Variants in INAVA observed in about 807,000 individuals in gnomAD.
INAVA encodes the protein innate immunity activator protein.
A neutral mutation model predicts 55.3 loss-of-function variants in INAVA; 32 were observed. That is an observed-to-expected ratio of 0.58 (90% CI 0.44 to 0.78). INAVA has a LOEUF of 0.78. INAVA is among the 30% of genes least tolerant of loss of function. INAVA has a pLI of 0.00. For missense variants in INAVA, 756 were observed against 786.4 expected (o/e 0.96, Z 0.46); for synonymous variants, 294 against 329.4 (o/e 0.89, Z 1.16).
In INAVA at chr1:200,898,305, A is replaced by C. The variant is rs746795321; in HGVS notation, c.-94-2A>C. The C allele has an allele frequency of 4.4e-6, 7 of 1,607,940 alleles. No homozygotes were observed. The highest frequency in any genetic ancestry group is 5.9e-6 in the Non-Finnish European group (7 of 1,178,406). ...TGTTATTGTTCTCTTTTCTCTTTAA[A>C]GCTGGGGAAGCTCCAGGCTACCTAC... On this transcript the variant is annotated splice_acceptor_variant, in intron 1 of 9. Transcript: ENST00000413687. LOFTEE classifies it low-confidence loss of function (5UTR_SPLICE).
upstream of INAVA, among the ~76,000 whole-genome samples, chr1:200,894,440 T>G (rs528350822): frequency 6.6e-6 from 1 of 152,180 alleles, no homozygotes; most frequent in Non-Finnish European, 1.5e-5. Context: ...TCGGGAGAGA[T>G]AAAACCCAGG....
chr1:200,908,978 C>T, intron 7 of INAVA, 38 bp downstream of exon 7: 2 of 1,583,936 alleles, frequency 1.3e-6, no homozygotes, highest in Non-Finnish European at 1.7e-6. Flanking sequence ...CAGGGCAGGG[C>T]AGGGAGTCGG....
chr1:200,901,182 G>A, intron 5 of INAVA, 23 bp downstream of exon 5: 1 of 1,478,442 alleles, frequency 6.8e-7, no homozygotes, highest in Non-Finnish European at 9.0e-7. Flanking sequence ...CCCTGAGGGG[G>A]GCCATGCTCC....
Position 200,912,171 on chromosome 1 carries a change from C to T in INAVA, c.1644+34C>T, listed in dbSNP as rs768701572. 3.0e-5 allele frequency: 46 copies of T among 1,516,344 alleles called. 1 individual carries two copies. In the South Asian group the frequency reaches 5.2e-4, roughly 17 times the overall value. The allele number at this position is 1,516,344 out of a possible 1,614,324, so 93.9% of individuals were successfully genotyped here. Reference sequence around the variant, plus strand: ...GCTCTGGAGGGACCCCGGGGCCAGGCAGGAGGGCTGTTTTGTTGGGGAGGG... The same window carrying T: ...GCTCTGGAGGGACCCCGGGGCCAGGTAGGAGGGCTGTTTTGTTGGGGAGGG... On this transcript the variant is annotated intron_variant, in intron 9 of 9. Coordinates refer to ENST00000413687, the MANE Select transcript of INAVA (RefSeq NM_001142569.3).
At chr1:200,903,929 C>T (rs1197785971) in intron 5 of INAVA, among the ~76,000 whole-genome samples, 1 of 151,998 alleles carries the variant, frequency 6.6e-6, no homozygotes, top group Non-Finnish European at 1.5e-5. Flanking sequence ...AGGTGAGAGT[C>T]ATCAGCCATA....
Position 200,908,880 on chromosome 1 carries a change from C to G in INAVA, c.725C>G (p.Thr242Ser). The G allele has an allele frequency of 6.2e-7, 1 of 1,614,006 alleles. No individual in the cohort carries two copies. The highest frequency in any genetic ancestry group is 8.5e-7 in the Non-Finnish European group (1 of 1,179,932). ...APVQNSPWKE[T>S]SLDHPYEKPR... ...GTCCAGAACAGCCCCTGGAAGGAAA[C>G]CAGCCTGGACCACCCCTATGAGAAG... Residue 242 changes from threonine (T) to serine (S), a missense_variant, in exon 7 of 10, where the codon ACC becomes AGC. Coordinates refer to ENST00000413687, the MANE Select transcript of INAVA (RefSeq NM_001142569.3).
intron 2 of INAVA, 114 bp from the exon 3 acceptor site, chr1:200,899,359 G>A: frequency 8.8e-7 from 1 of 1,135,806 alleles, no homozygotes; most frequent in Non-Finnish European, 1.2e-6. Context: ...GGCATGAGAT[G>A]TGTGTGTGTG....
chr1:200,898,225 C>A, intron 1 of INAVA, 82 bp from the exon 2 acceptor site: 1 of 1,452,444 alleles, frequency 6.9e-7, no homozygotes, highest in Non-Finnish European at 9.4e-7. Flanking sequence ...CACTCCCCTG[C>A]TCTCAAGCAT....
intron 2 of INAVA, 91 bp downstream of exon 2, chr1:200,898,546 C>A: frequency 7.1e-7 from 1 of 1,412,498 alleles, no homozygotes; most frequent in Non-Finnish European, 9.7e-7. Flanking sequence ...CCCTCAGGCA[C>A]TAGGGCTGGC....
chr1:200,904,380 G>C (rs1170403661), intron 5 of INAVA, among the ~76,000 whole-genome samples: 1 of 152,196 alleles, frequency 6.6e-6, no homozygotes, highest in African/African-American at 2.4e-5. Flanking sequence ...GAGCCACTGC[G>C]CCTGGCCGCT....
intron 1 of INAVA, among the ~76,000 whole-genome samples, chr1:200,896,524 T>C (rs1668355362): frequency 6.6e-6 from 1 of 152,212 alleles, no homozygotes; most frequent in Non-Finnish European, 1.5e-5. Flanking sequence ...TTGGCATGTT[T>C]GCAAAGGCCT....
chr1:200,911,532 A>C lies in INAVA; in HGVS notation c.1039A>C (p.Thr347Pro), dbSNP rs764559212. Reference protein sequence around the residue: ...PRRRPTHYTVTVPDSCFPATK... With the variant: ...PRRRPTHYTVPVPDSCFPATK... Reference sequence around the variant, plus strand: ...CCGCCGCCCCACTCACTACACGGTGACAGTGCCAGATTCCTGCTTTCCCGC... The same window carrying C: ...CCGCCGCCCCACTCACTACACGGTGCCAGTGCCAGATTCCTGCTTTCCCGC... Residue 347 changes from threonine (T) to proline (P), a missense_variant, in exon 9 of 10, where the codon ACA (threonine) becomes CCA (proline). By Grantham distance (38) the Thr-to-Pro change is conservative (BLOSUM62 -1). Transcript: ENST00000413687. The C allele has an allele frequency of 6.2e-7, 1 of 1,613,792 alleles. No individual in the cohort carries two copies. The highest frequency in any genetic ancestry group is 8.5e-7 in the Non-Finnish European group (1 of 1,179,942).
At chr1:200,892,742 T>A (rs1057220819), upstream of INAVA, among the ~76,000 whole-genome samples, 5 of 152,168 alleles carry the variant, frequency 3.3e-5, no homozygotes, top group Admixed American at 1.3e-4. Flanking sequence ...TTGAATTGAA[T>A]GACATGGCCA....
At chr1:200,908,233 G>A (rs564622017) in intron 6 of INAVA, 4 of 242,046 alleles carry the variant, frequency 1.7e-5, no homozygotes, top group East Asian at 1.8e-4. Flanking sequence ...CACAATCATT[G>A]CTGTTTTTTA....
chr1:200,900,028 C>A, intron 3 of INAVA, 76 bp from the exon 4 acceptor site: 1 of 1,244,260 alleles, frequency 8.0e-7, no homozygotes, highest in Non-Finnish European at 1.1e-6. Flanking sequence ...GGAAGGCAGG[C>A]ACATGCAGTG....
In INAVA at chr1:200,910,799, G is replaced by A. The variant is rs147270682; in HGVS notation, c.960-654G>A. 7.0e-3 allele frequency among the ~76,000 whole-genome samples: 1,062 copies of A among 152,298 alleles called. 9 individuals carry two copies. The highest frequency in any genetic ancestry group is 0.02 in the Middle Eastern group (6 of 294). On this transcript the variant is annotated intron_variant, in intron 8 of 9. Transcript: ENST00000413687. ...GCCATTTTACAAACCATGCCTTTGT[G>A]CAAATTAGGAAAAGGCAGACACAGC...
At chr1:200,899,750 A>G (rs998268524) in intron 3 of INAVA, among the ~76,000 whole-genome samples, 153 bp downstream of exon 3, 6 of 152,176 alleles carry the variant, frequency 3.9e-5, no homozygotes, top group African/African-American at 1.4e-4. Context: ...CCCATGATGC[A>G]GTGTTTGACC....
Position 200,911,688 on chromosome 1 carries a change from T to C in INAVA, c.1195T>C (p.Ser399Pro). Residue 399 changes from serine (S) to proline (P), a missense_variant, in exon 9 of 10, where the codon TCC becomes CCC. Physicochemically the swap from Ser to Pro is moderately conservative, Grantham distance 74. This residue lies in a region of INAVA where 639 missense variants were observed against 624.3 expected (regional missense o/e 1.02). Coordinates refer to ENST00000413687, the MANE Select transcript of INAVA (RefSeq NM_001142569.3). The part of the protein sequence containing the change: ...SPDISFLQPL[S>P]PPKTHRHRGA... The stretch of plus-strand genomic sequence containing the variant: ...CGACATCTCCTTTCTGCAGCCTCTC[T>C]CCCCTCCCAAGACCCATCGTCACCG... The C allele has an allele frequency of 2.5e-6, 4 of 1,613,814 alleles. No individual in the cohort carries two copies. Among genetic ancestry groups the C allele is most frequent in the Non-Finnish European group, 3.4e-6 (4 of 1,179,906 alleles).
At chr1:200,897,654 G>A (rs1326024771) in intron 1 of INAVA, among the ~76,000 whole-genome samples, 7 of 151,366 alleles carry the variant, frequency 4.6e-5, no homozygotes, top group Non-Finnish European at 8.8e-5. Flanking sequence ...TTTTGGAGAC[G>A]GGGTCTCTCT....
Sources: allele counts gnomAD v4.1 joint callset (sites outside exome capture counted in the v4.1 genomes callset), GRCh38; gene constraint gnomAD v4.1.1; regional missense constraint gnomAD v4.1.1; transcripts MANE v1.5; gene names NCBI Gene and HGNC (gene_info 2026-07-23, HGNC 2026-07-21).